LRFN5: variants seen among roughly 807,000 people sequenced by gnomAD.
LRFN5 encodes leucine rich repeat and fibronectin type III domain containing 5, also known as leucine-rich repeat and fibronectin type-III domain-containing protein 5.
In LRFN5, 24 loss-of-function variants were observed where a neutral mutation model predicts 45.6. That is an observed-to-expected ratio of 0.53 (90% CI 0.38 to 0.74). The LOEUF is 0.74. Ranked by LOEUF, LRFN5 falls within the 30% of genes least tolerant of loss-of-function variation. The pLI, the probability that LRFN5 is intolerant of heterozygous loss-of-function variation, is 0.00. For missense variants in LRFN5, 776 were observed against 861.5 expected (o/e 0.90, Z 1.24); for synonymous variants, 340 against 313.8 (o/e 1.08, Z -0.88).
chr14:41,621,076 A>G (rs1594555980), intron 1 of LRFN5, among the ~76,000 whole-genome samples: 1 of 152,072 alleles, frequency 6.6e-6, no homozygotes, highest in South Asian at 2.1e-4. Context: ...CATTACCTCT[A>G]TATTTGTGTA....
At chr14:41,646,863 C>T (rs185385944) in intron 1 of LRFN5, among the ~76,000 whole-genome samples, 14 of 152,268 alleles carry the variant, frequency 9.2e-5, no homozygotes, top group African/African-American at 3.1e-4. Context: ...GTCTTCCTAA[C>T]AGCCTCAATT....
chr14:41,803,368 T>C (rs1887405724), intron 2 of LRFN5, among the ~76,000 whole-genome samples: 1 of 152,062 alleles, frequency 6.6e-6, no homozygotes, highest in Admixed American at 6.6e-5. Context: ...TTTTTTCTTT[T>C]TGAGACAGGG....
chr14:41,658,596 A>G (rs941304780), intron 1 of LRFN5, among the ~76,000 whole-genome samples: 3 of 151,960 alleles, frequency 2.0e-5, no homozygotes, highest in African/African-American at 4.8e-5. Flanking sequence ...TGCACTTCAT[A>G]GAAGTTTTAC....
At chr14:41,856,605 G>A (rs1889461837) in intron 2 of LRFN5, among the ~76,000 whole-genome samples, 1 of 150,050 alleles carries the variant, frequency 6.7e-6, no homozygotes, top group Admixed American at 6.6e-5. Flanking sequence ...TGCATGTAAG[G>A]AATCTGAACT....
intron 1 of LRFN5, among the ~76,000 whole-genome samples, chr14:41,611,781 G>A (rs1887767023): frequency 6.6e-6 from 1 of 152,070 alleles, no homozygotes; most frequent in Non-Finnish European, 1.5e-5. Flanking sequence ...CTGGTGTTTT[G>A]GGAGAAGTTC....
chr14:41,779,751 G>A (rs547862634), intron 2 of LRFN5, among the ~76,000 whole-genome samples: 4 of 151,816 alleles, frequency 2.6e-5, no homozygotes, highest in South Asian at 2.1e-4. Flanking sequence ...CATATTGGTC[G>A]CCATAGAGTT....
chr14:41,750,941 T>A (rs902841174), intron 1 of LRFN5, among the ~76,000 whole-genome samples: 6 of 152,116 alleles, frequency 3.9e-5, no homozygotes, highest in African/African-American at 1.4e-4. Context: ...TCATCTACAT[T>A]AGGTATTTCT....
intron 1 of LRFN5, among the ~76,000 whole-genome samples, chr14:41,732,152 A>G (rs1476398665): frequency 6.6e-6 from 1 of 152,184 alleles, no homozygotes; most frequent in Admixed American, 6.6e-5. Context: ...ACCCAGTTCC[A>G]GGGCAGCCAG....
At chr14:41,823,790 C>T (rs901404183) in intron 2 of LRFN5, among the ~76,000 whole-genome samples, 6 of 152,096 alleles carry the variant, frequency 3.9e-5, no homozygotes, top group African/African-American at 1.4e-4. Flanking sequence ...TTTTCTTCTT[C>T]TCTCTCAGAA....
chr14:41,892,757 T>C, intron 4 of LRFN5: 1 of 985,376 alleles, frequency 1.0e-6, no homozygotes. Context: ...TACACCTTTT[T>C]CAGTGGAAAG....
rs74045178 is a variant in LRFN5 at position 41,633,393 on chromosome 14, T to A, written c.-197+24831T>A. ...TGTAGATGGCATTTATTTTCATTTT[T>A]AAATAATTAATATGCATTAATTTCT... On this transcript the variant is annotated intron_variant, in intron 1 of 5. Coordinates refer to ENST00000298119, the MANE Select transcript of LRFN5 (RefSeq NM_152447.5). Among the ~76,000 whole-genome samples, 767 of 152,306 alleles carry A rather than the reference T, an allele frequency of 5.0e-3. 4 individuals are homozygous for A. The highest frequency in any genetic ancestry group is 0.018 in the African/African-American group (745 of 41,580).
chr14:41,837,477 A>G (rs745993340), intron 2 of LRFN5, among the ~76,000 whole-genome samples: 3 of 152,196 alleles, frequency 2.0e-5, no homozygotes, highest in Non-Finnish European at 4.4e-5. Flanking sequence ...TCAGAAATGA[A>G]TTTGTAGTAT....
chr14:41,744,218 G>A (rs1884824732), intron 1 of LRFN5, among the ~76,000 whole-genome samples: 1 of 151,956 alleles, frequency 6.6e-6, no homozygotes, highest in African/African-American at 2.4e-5. Flanking sequence ...AACCAAGCAT[G>A]GTGGTGGCAT....
At chr14:41,734,985 G>C (rs1162310273) in intron 1 of LRFN5, among the ~76,000 whole-genome samples, 5 of 151,866 alleles carry the variant, frequency 3.3e-5, no homozygotes, top group African/African-American at 1.2e-4. Flanking sequence ...TATAGTTTGT[G>C]TTACTTAACA....
chr14:41,689,660 C>T (rs1224561579), intron 1 of LRFN5, among the ~76,000 whole-genome samples: 3 of 151,496 alleles, frequency 2.0e-5, no homozygotes, highest in Non-Finnish European at 4.4e-5. Flanking sequence ...TTTGGGAGGC[C>T]GAGGCGGGCG....
At chr14:41,777,658 T>C (rs1886339084) in intron 2 of LRFN5, among the ~76,000 whole-genome samples, 1 of 151,862 alleles carries the variant, frequency 6.6e-6, no homozygotes, top group African/African-American at 2.4e-5. Context: ...CTCTATTACA[T>C]TGGTAAATGA....
chr14:41,758,052 C>A (rs1401474007), intron 1 of LRFN5, among the ~76,000 whole-genome samples: 2 of 152,152 alleles, frequency 1.3e-5, no homozygotes, highest in Non-Finnish European at 2.9e-5. Flanking sequence ...ATCCTTCTTT[C>A]CAAATTATGC....
At chr14:41,777,703 C>A (rs562928090) in intron 2 of LRFN5, among the ~76,000 whole-genome samples, 1 of 151,720 alleles carries the variant, frequency 6.6e-6, no homozygotes, top group Non-Finnish European at 1.5e-5. Flanking sequence ...TGTTTTCCTT[C>A]GCTTTTTGTA....
At chr14:41,723,669 C>T (rs73305576) in intron 1 of LRFN5, among the ~76,000 whole-genome samples, 5,298 of 151,992 alleles carry the variant, frequency 0.035, 313 homozygotes, top group African/African-American at 0.12. Context: ...ATCTCGTTGC[C>T]CAGGAGAAAC....
Sources: allele counts gnomAD v4.1 joint callset (sites outside exome capture counted in the v4.1 genomes callset), GRCh38; gene constraint gnomAD v4.1.1; transcripts MANE v1.5; gene names NCBI Gene and HGNC (gene_info 2026-07-23, HGNC 2026-07-21).